The following PES1 variants were observed in gnomAD, a reference collection of about 807,000 sequenced individuals.
The protein encoded by PES1 is pescadillo homolog.
In PES1, 31 loss-of-function variants were observed where a neutral mutation model predicts 77.1. The ratio of observed to expected loss-of-function variants is 0.40; its 90% CI spans 0.30 to 0.54. PES1 has a LOEUF of 0.54. PES1 is among the 20% of genes least tolerant of loss of function. The probability of loss-of-function intolerance (pLI) is 0.45; values close to 1 mark genes in which losing one functional copy is unlikely to be tolerated. For synonymous variants in PES1, 282 were observed against 303.0 expected (o/e 0.93, Z 0.72); for missense variants, 658 against 771.7 (o/e 0.85, Z 1.75).
At chr22:30,606,925 TGGAACAGCTG>T (rs1485339711) in exon 1 of PES1, 4 of 1,054,238 alleles carry the variant, frequency 3.8e-6, no homozygotes, top group Middle Eastern at 8.9e-4. Context: ...AATCCACCAC[TGGAACAGCTG>T]GGGGGACAGC....
chr22:30,595,279 C>T (rs2146487191), upstream of PES1, among the ~76,000 whole-genome samples: 1 of 152,156 alleles, frequency 6.6e-6, no homozygotes, highest in Non-Finnish European at 1.5e-5. Flanking sequence ...ACAGCTCATG[C>T]CTATAATCCC....
chr22:30,581,669 G>A (rs781725133), intron 6 of PES1, 25 bp from the exon 7 acceptor site: 44 of 1,515,318 alleles, frequency 2.9e-5, no homozygotes, highest in Non-Finnish European at 3.8e-5. Context: ...AGATGCATGA[G>A]CAGTGTGGGT....
At chr22:30,584,253 T>C (rs1407716512) in intron 6 of PES1, 112 bp downstream of exon 6, 1 of 831,774 alleles carries the variant, frequency 1.2e-6, no homozygotes, top group Non-Finnish European at 2.0e-6. Context: ...TCATCAACAG[T>C]TGGGAACCCA....
Position 30,578,996 on chromosome 22 carries a change from C to T in PES1, c.1524G>A (p.Lys508=), listed in dbSNP as rs1291084039. The T allele has an allele frequency of 1.9e-6, 3 of 1,609,998 alleles. No individual in the cohort carries two copies. In the Admixed American group the frequency reaches 5.0e-5, roughly 27 times the overall value. The change falls in exon 14 of 15, where the codon AAG becomes AAA. Residue 508 remains lysine, a splice_region_variant and synonymous_variant. Coordinates refer to ENST00000354694, the MANE Select transcript of PES1 (RefSeq NM_014303.4). ...TCAAGGTGCCTGCCATCACCCTGGG[C>T]TTCTGGGGACACAAGGAGGGTGCTT... is the stretch of plus-strand genomic sequence containing the variant. ...ALEEQRMEGK[K]PRVMAGTLKL...
chr22:30,595,029 C>T (rs1480371521), upstream of PES1, among the ~76,000 whole-genome samples: 1 of 152,076 alleles, frequency 6.6e-6, no homozygotes, highest in Non-Finnish European at 1.5e-5. Flanking sequence ...AAAAAGTCTC[C>T]TGTCCAAATT....
intron 4 of PES1, among the ~76,000 whole-genome samples, chr22:30,586,599 G>T (rs573880679): frequency 6.6e-6 from 1 of 152,234 alleles, no homozygotes; most frequent in East Asian, 1.9e-4. Flanking sequence ...CATCCAAGTC[G>T]TGAGAACCAA....
Position 30,580,714 on chromosome 22 carries a change from G to A in PES1, c.913-13C>T. ...GCGCTGACATCTCCTGTTGAGAAAGGGGCCAGGCCTCGCACCACCAGGGCT... is the reference window on the plus strand; with the variant it reads ...GCGCTGACATCTCCTGTTGAGAAAGAGGCCAGGCCTCGCACCACCAGGGCT... On this transcript the variant is annotated splice_polypyrimidine_tract_variant and intron_variant, in intron 9 of 14. Transcript: ENST00000354694. 2 of 1,612,722 alleles carry A rather than the reference G, an allele frequency of 1.2e-6. No homozygotes were observed. Among genetic ancestry groups the A allele is most frequent in the African/African-American group, 1.3e-5 (1 of 75,050 alleles).
chr22:30,585,100 A>G (rs1396531098), intron 4 of PES1: 2 of 386,658 alleles, frequency 5.2e-6, no homozygotes, highest in South Asian at 2.0e-5. Flanking sequence ...TCCAAAATGG[A>G]AAATGGGAAA....
chr22:30,599,851 G>T (rs564420715), intron 2 of PES1, among the ~76,000 whole-genome samples: 5 of 152,128 alleles, frequency 3.3e-5, no homozygotes, highest in Admixed American at 6.6e-5. Context: ...GGTGAGCCGA[G>T]ATTGAGCCAT....
chr22:30,579,258 T>C lies in PES1; in HGVS notation c.1400A>G (p.Asn467Ser). ...TCCCTCTTCATCACCATCACCTTCG[T>C]TGTTGTCGTCCTCTTCCTCCTCCTC... ...SEEEEEEDDN[N>S]EGDGDEEGEN... The change falls in exon 13 of 15, where the codon AAC becomes AGC. Residue 467 changes from asparagine (N) to serine (S), a missense_variant. Asn to Ser is a conservative substitution (Grantham distance 46). Transcript: ENST00000354694. The C allele has an allele frequency of 6.2e-7, 1 of 1,602,726 alleles. No homozygotes were observed. The highest frequency in any genetic ancestry group is 8.5e-7 in the Non-Finnish European group (1 of 1,179,378).
At chr22:30,596,794 G>A (rs1016141913), upstream of PES1, among the ~76,000 whole-genome samples, 1 of 152,206 alleles carries the variant, frequency 6.6e-6, no homozygotes, top group Non-Finnish European at 1.5e-5. Flanking sequence ...CTGCTGCACC[G>A]TGGGAGCCCT....
intron 2 of PES1, among the ~76,000 whole-genome samples, chr22:30,597,832 A>G (rs1005088747): frequency 6.7e-6 from 1 of 150,242 alleles, no homozygotes; most frequent in Non-Finnish European, 1.5e-5. Flanking sequence ...AGGCTGCCCG[A>G]CTCAGCTGTG....
At position 30,591,793 on chromosome 22, in the gene PES1, C is replaced by T. The variant is rs765745384; in HGVS notation, c.24+17G>A. 1.0e-5 allele frequency: 16 copies of T among 1,559,962 alleles called. No homozygotes were observed. The African/African-American group carries it at 2.2e-4, about 21-fold the overall frequency. ...GCACCCCACCCCTCGGGAATCCCCA[C>T]CGTCTTTCCCAATCACCTTCTTCTT... is the stretch of plus-strand genomic sequence containing the variant. On this transcript the variant is annotated intron_variant, in intron 1 of 14. Transcript: ENST00000354694.
In PES1 at chr22:30,606,996, G is replaced by T; in HGVS notation, c.-905C>A. 8 of 642,012 alleles carry T rather than the reference G, an allele frequency of 1.2e-5. No homozygotes were observed. The South Asian group carries it at 1.8e-4, about 14-fold the overall frequency. 39.8% of individuals were successfully genotyped at this position (642,012 alleles called of 1,614,324 possible). On this transcript the variant is annotated 5_prime_UTR_variant, in exon 1 of 17. Coordinates refer to the PES1 transcript ENST00000402281. ...ACAGATCAGGCATCAGGCCCTCTGCGCTGGTCCCGGGCTCTTTAAGCAGGA... is the reference window on the plus strand; with the variant it reads ...ACAGATCAGGCATCAGGCCCTCTGCTCTGGTCCCGGGCTCTTTAAGCAGGA...
upstream of PES1, among the ~76,000 whole-genome samples, chr22:30,593,814 G>C (rs34319004): frequency 0.011 from 1,720 of 152,306 alleles, 6 homozygotes; most frequent in Admixed American, 0.018. Flanking sequence ...CTAAGTCTCA[G>C]GAAAGTAAGT....
Position 30,581,016 on chromosome 22 carries a change from T to C in PES1, c.908A>G (p.Asp303Gly). ...EEAEVDEFPT[D>G]GEMSAQEEDR... is the part of the protein sequence containing the mutation. Reference sequence around the variant, plus strand: ...AGAAGGCAGTGCAGTGCTCACCCCATCGGTGGGAAACTCATCCACCTCGGC... The same window carrying C: ...AGAAGGCAGTGCAGTGCTCACCCCACCGGTGGGAAACTCATCCACCTCGGC... The change falls in exon 9 of 15, where the codon GAT becomes GGT. Residue 303 changes from aspartate to glycine, a missense_variant. Coordinates refer to ENST00000354694, the MANE Select transcript of PES1 (RefSeq NM_014303.4). The C allele has an allele frequency of 6.2e-7, 1 of 1,611,912 alleles. No homozygotes were observed. Among genetic ancestry groups the C allele is most frequent in the Non-Finnish European group, 8.5e-7 (1 of 1,179,010 alleles).
chr22:30,604,443 G>GCC (rs1260800493), intron 2 of PES1, among the ~76,000 whole-genome samples: 1 of 151,924 alleles, frequency 6.6e-6, no homozygotes, highest in Non-Finnish European at 1.5e-5. Context: ...GACCAACCTG[G>GCC]CCAACAGGGT....
chr22:30,606,788 G>C lies in PES1; in HGVS notation c.-718+21C>G, dbSNP rs975037334. 1.5e-5 allele frequency: 15 copies of C among 972,334 alleles called. No individual in the cohort carries two copies. In the African/African-American group the frequency reaches 1.6e-4, roughly 10 times the overall value. 60.2% of individuals were successfully genotyped at this position (972,334 alleles called of 1,614,324 possible). ...AGGGAGGCGGTGCTGAAAAACAGCT[G>C]ACTCCAGCAATGCTGCTCACGTGAC... On this transcript the variant is annotated intron_variant, in intron 1 of 16. Coordinates refer to the PES1 transcript ENST00000402281.
In PES1 at chr22:30,577,281, G is replaced by A. The variant is rs41282481; in HGVS notation, c.1684-152C>T. On this transcript the variant is annotated intron_variant, in intron 14 of 14. Transcript: ENST00000354694. ...AAATCTACCTGACCCACTTCATGGT[G>A]AGAAAACATGCGCTAGCCCTGCTTT... 3,761 of 664,442 alleles carry A rather than the reference G, an allele frequency of 5.7e-3. 21 individuals are homozygous for A. The highest frequency in any genetic ancestry group is 7.1e-3 in the Non-Finnish European group (2,609 of 367,772). The allele number at this position is 664,442 out of a possible 1,614,324, so 41.2% of individuals were successfully genotyped here.
Sources: gnomAD v4.1 joint callset for allele counts (sites outside exome capture counted in the v4.1 genomes callset) on GRCh38, gnomAD v4.1.1 for gene constraint, MANE v1.5 for transcripts, NCBI Gene and HGNC (gene_info 2026-07-23, HGNC 2026-07-21) for gene names.